Variants in HDAC9 observed in about 807,000 individuals in gnomAD.
HDAC9 encodes histone deacetylase 9.
Under a neutral mutation model 139.4 loss-of-function variants are expected in HDAC9, and 41 were observed. The observed-to-expected ratio is 0.29, with a 90% CI of 0.23 to 0.38. HDAC9 has a LOEUF of 0.38. Among genes scored for constraint, HDAC9 ranks in the 10% least tolerant of loss-of-function variants. HDAC9 has a pLI of 1.00. For synonymous variants in HDAC9, 517 were observed against 476.2 expected (o/e 1.09, Z -1.12); for missense variants, 1,147 against 1,297.0 (o/e 0.88, Z 1.78).
At chr7:18,653,636 AG>A (rs1790094766) in intron 11 of HDAC9, among the ~76,000 whole-genome samples, 1 of 152,176 alleles carries the variant, frequency 6.6e-6, no homozygotes, top group Non-Finnish European at 1.5e-5. Context: ...AATATATCTA[AG>A]ACAAGACCAG....
At chr7:18,318,252 G>C (rs1799792614) in intron 1 of HDAC9, among the ~76,000 whole-genome samples, 1 of 152,022 alleles carries the variant, frequency 6.6e-6, no homozygotes, top group South Asian at 2.1e-4. Flanking sequence ...TCAGGCCAAG[G>C]GATTAATAGA....
At chr7:18,636,098 A>C (rs1272890030) in intron 8 of HDAC9, among the ~76,000 whole-genome samples, 2 of 152,118 alleles carry the variant, frequency 1.3e-5, no homozygotes, top group African/African-American at 2.4e-5. Context: ...CTCTAGGCAC[A>C]TTTGCACACT....
At chr7:18,159,366 A>G (rs951544016) in intron 1 of HDAC9, among the ~76,000 whole-genome samples, 9 of 152,178 alleles carry the variant, frequency 5.9e-5, no homozygotes, top group Non-Finnish European at 1.0e-4. Context: ...TAAACAGTCT[A>G]TTACTCTGCA....
At chr7:18,493,212 TAAA>T (rs1401595828), upstream of HDAC9, among the ~76,000 whole-genome samples, 3 of 151,900 alleles carry the variant, frequency 2.0e-5, no homozygotes, top group Non-Finnish European at 4.4e-5. Flanking sequence ...AATTTAAACT[TAAA>T]AAGACAAAAG....
chr7:18,142,039 G>A (rs1315523413), intron 1 of HDAC9, among the ~76,000 whole-genome samples: 1 of 151,982 alleles, frequency 6.6e-6, no homozygotes, highest in Non-Finnish European at 1.5e-5. Flanking sequence ...TATTGTGTCA[G>A]GACTTTTTTC....
At chr7:18,568,489 G>A (rs1435934369) in intron 2 of HDAC9, among the ~76,000 whole-genome samples, 1 of 152,166 alleles carries the variant, frequency 6.6e-6, no homozygotes, top group East Asian at 1.9e-4. Context: ...TCATTTTAAA[G>A]TGCCATCATT....
chr7:18,850,003 T>A (rs1405863705), intron 21 of HDAC9, among the ~76,000 whole-genome samples: 2 of 151,002 alleles, frequency 1.3e-5, no homozygotes, highest in African/African-American at 4.9e-5. Context: ...GTCAGCAAAG[T>A]CCTTAGTAGT....
intron 24 of HDAC9, among the ~76,000 whole-genome samples, chr7:18,965,803 T>G (rs139058981): frequency 4.6e-5 from 7 of 152,130 alleles, no homozygotes; most frequent in Admixed American, 3.9e-4. Flanking sequence ...GCAAAAACTC[T>G]CCAGGGGCAC....
At chr7:18,323,489 T>A (rs1800187547) in intron 1 of HDAC9, among the ~76,000 whole-genome samples, 1 of 152,182 alleles carries the variant, frequency 6.6e-6, no homozygotes, top group Non-Finnish European at 1.5e-5. Context: ...AAGCCCAAAG[T>A]CAGGGCTTCT....
chr7:18,237,968 C>T (rs1195031009), intron 2 of HDAC9, among the ~76,000 whole-genome samples: 1 of 152,088 alleles, frequency 6.6e-6, no homozygotes, highest in East Asian at 1.9e-4. Context: ...TTTGTTTGGT[C>T]CTTAATACAT....
rs546035740 is a variant in HDAC9, at chr7:18,864,785, C to T, written c.2685-9693C>T. Among the ~76,000 whole-genome samples, 41 of 152,152 alleles carry T rather than the reference C, an allele frequency of 2.7e-4. No homozygotes were observed. The South Asian group carries it at 7.9e-3, about 29-fold the overall frequency. ...TTATTGAGTTACTGTTTCACGGTTA[C>T]AGAGTTTCCCTGGAAAGATGAAAAA... On this transcript the variant is annotated intron_variant, in intron 21 of 25. Coordinates refer to ENST00000686413, the MANE Select transcript of HDAC9 (RefSeq NM_178425.4).
Position 18,428,833 on chromosome 7 carries a change from C to T in HDAC9, c.-41-67429C>T, listed in dbSNP as rs145896570. Among the ~76,000 whole-genome samples, 8 of 152,318 alleles carry T rather than the reference C, an allele frequency of 5.3e-5. No homozygotes were observed. In the East Asian group the frequency reaches 1.3e-3, roughly 26 times the overall value. ...TCACTCTGATTCATCTCCTACCACT[C>T]TTTCCTACCATGCTGGCCTTGCTGC... On this transcript the variant is annotated intron_variant, in intron 1 of 3. Transcript: ENST00000413509.
chr7:18,373,148 T>G (rs1784723422), intron 1 of HDAC9, among the ~76,000 whole-genome samples: 2 of 152,186 alleles, frequency 1.3e-5, no homozygotes, highest in African/African-American at 4.8e-5. Context: ...ATATCAACTG[T>G]CAACCACAAA....
At chr7:18,693,315 A>C (rs970081753) in intron 12 of HDAC9, among the ~76,000 whole-genome samples, 1 of 152,190 alleles carries the variant, frequency 6.6e-6, no homozygotes, top group African/African-American at 2.4e-5. Context: ...TTCAGAGTAC[A>C]TTTATAAAGC....
intron 1 of HDAC9, among the ~76,000 whole-genome samples, chr7:18,326,630 T>C (rs1241503584): frequency 1.3e-5 from 2 of 152,040 alleles, no homozygotes; most frequent in Non-Finnish European, 2.9e-5. Flanking sequence ...CATCTATAAC[T>C]GTGATGAATG....
intron 1 of HDAC9, among the ~76,000 whole-genome samples, chr7:18,305,200 C>T (rs796767355): frequency 2.0e-5 from 3 of 152,194 alleles, no homozygotes; most frequent in African/African-American, 4.8e-5. Context: ...TTTGTTTTTA[C>T]TGGCACACTG....
intron 22 of HDAC9, among the ~76,000 whole-genome samples, chr7:18,877,355 A>G (rs1364225538): frequency 1.3e-5 from 2 of 152,162 alleles, no homozygotes; most frequent in Non-Finnish European, 2.9e-5. Flanking sequence ...TTAACACTGG[A>G]CTTTCACTGT....
chr7:18,841,401 TAAC>T (rs1179188060), intron 21 of HDAC9, among the ~76,000 whole-genome samples: 3 of 152,116 alleles, frequency 2.0e-5, no homozygotes, highest in Admixed American at 6.6e-5. Context: ...ATAATAATAA[TAAC>T]ACAGTAATAT....
chr7:18,888,909 T>C (rs1800418774), intron 22 of HDAC9, among the ~76,000 whole-genome samples: 1 of 152,226 alleles, frequency 6.6e-6, no homozygotes, highest in African/African-American at 2.4e-5. Context: ...ATAAGGTCTT[T>C]ATTCCATGCT....
Sources: gnomAD v4.1 joint callset for allele counts (sites outside exome capture counted in the v4.1 genomes callset) on GRCh38, gnomAD v4.1.1 for gene constraint, MANE v1.5 for transcripts, NCBI Gene and HGNC (gene_info 2026-07-23, HGNC 2026-07-21) for gene names.